SMAP1: variants seen among roughly 807,000 people sequenced by gnomAD.
SMAP1 encodes small ArfGAP 1.
In SMAP1, 24 loss-of-function variants were observed where a neutral mutation model predicts 58.5. That is an observed-to-expected ratio of 0.41 (90% confidence interval 0.30 to 0.58). The LOEUF (loss-of-function observed/expected upper bound fraction) is 0.58, where lower values mean the gene tolerates loss of function less well. Among genes scored for constraint, SMAP1 ranks in the 20% least tolerant of loss-of-function variants. SMAP1 has a pLI of 0.29. For synonymous variants in SMAP1, 216 were observed against 196.6 expected, an observed-to-expected ratio of 1.10 and a Z score of -0.82; for missense variants, 563 against 566.3, an observed-to-expected ratio of 0.99 and a Z score of 0.06.
Position 70,861,212 on chromosome 6 carries a change from C to G in SMAP1, c.*878C>G, listed in dbSNP as rs1562210366. 5.9e-6 allele frequency: 1 copy of G among 170,748 alleles called. No homozygotes were observed. The highest frequency in any genetic ancestry group is 1.3e-5 in the Non-Finnish European group (1 of 78,508). 10.6% of individuals were successfully genotyped at this position (170,748 alleles called of 1,614,324 possible). ...TTATTTCCTATGATGTATACTGCCACTAACCTTCCAAAAATTACTTAGTAT... is the reference window on the plus strand; with the variant it reads ...TTATTTCCTATGATGTATACTGCCAGTAACCTTCCAAAAATTACTTAGTAT... On this transcript the variant is annotated 3_prime_UTR_variant, in exon 11 of 11. Transcript: ENST00000370455.
At chr6:70,740,520 C>T (rs1041252071) in intron 2 of SMAP1, among the ~76,000 whole-genome samples, 9 of 149,360 alleles carry the variant, frequency 6.0e-5, no homozygotes, top group Non-Finnish European at 1.3e-4. Flanking sequence ...TGTTCTTGTT[C>T]TGTTCCCTTT....
At chr6:70,668,225 C>T in intron 1 of SMAP1, 84 bp downstream of exon 1, 5 of 1,253,328 alleles carry the variant, frequency 4.0e-6, no homozygotes, top group African/African-American at 1.6e-5. Context: ...GGGGCCCGAG[C>T]GGACGCCTCG....
At chr6:70,767,415 T>C (rs1016177885) in intron 3 of SMAP1, among the ~76,000 whole-genome samples, 14 of 152,218 alleles carry the variant, frequency 9.2e-5, no homozygotes, top group Non-Finnish European at 1.8e-4. Flanking sequence ...TATTCTCTTT[T>C]ATTTCATTGA....
At chr6:70,717,120 C>G (rs1225912659) in intron 1 of SMAP1, among the ~76,000 whole-genome samples, 2 of 152,064 alleles carry the variant, frequency 1.3e-5, no homozygotes, top group East Asian at 3.9e-4. Context: ...CCAAGTTCTG[C>G]CAGATGAATT....
intron 3 of SMAP1, among the ~76,000 whole-genome samples, chr6:70,758,223 A>T (rs1766590857): frequency 6.6e-6 from 1 of 151,930 alleles, no homozygotes; most frequent in East Asian, 1.9e-4. Context: ...CTTTGTAGGG[A>T]CATGGATGAA....
intron 6 of SMAP1, among the ~76,000 whole-genome samples, chr6:70,808,695 A>G (rs1413700796): frequency 6.6e-6 from 1 of 152,206 alleles, no homozygotes; most frequent in Non-Finnish European, 1.5e-5. Context: ...GATTCCAAAC[A>G]TCATCTAACA....
chr6:70,823,779 A>T (rs1330520988), intron 6 of SMAP1, among the ~76,000 whole-genome samples: 1 of 150,298 alleles, frequency 6.7e-6, no homozygotes, highest in African/African-American at 2.4e-5. Flanking sequence ...TTTATTTTGG[A>T]TATTTATAAT....
chr6:70,859,851 A>G (rs1218795876), intron 10 of SMAP1: 2 of 190,390 alleles, frequency 1.1e-5, no homozygotes, highest in African/African-American at 4.7e-5. Flanking sequence ...ATAATTTTAG[A>G]CTATTTTACT....
At chr6:70,684,544 A>G (rs1479189298) in intron 1 of SMAP1, among the ~76,000 whole-genome samples, 1 of 152,210 alleles carries the variant, frequency 6.6e-6, no homozygotes, top group Non-Finnish European at 1.5e-5. Flanking sequence ...TAACATTCTA[A>G]TGACCACCAA....
intron 6 of SMAP1, among the ~76,000 whole-genome samples, chr6:70,814,089 C>T (rs543162460): frequency 6.6e-6 from 1 of 152,236 alleles, no homozygotes; most frequent in East Asian, 1.9e-4. Context: ...TATAGTAAAG[C>T]ATCTTCTGGC....
intron 3 of SMAP1, among the ~76,000 whole-genome samples, chr6:70,771,813 G>C (rs1256903191): frequency 5.3e-5 from 8 of 152,132 alleles, no homozygotes; most frequent in Admixed American, 5.2e-4. Context: ...TACCTCAGAT[G>C]GAAATGCAGA....
At chr6:70,854,595 C>T (rs1050695647) in intron 8 of SMAP1, among the ~76,000 whole-genome samples, 13 of 151,842 alleles carry the variant, frequency 8.6e-5, no homozygotes, top group African/African-American at 2.9e-4. Flanking sequence ...GCACTCCAGC[C>T]TGGGGGACAA....
At chr6:70,706,907 G>T (rs1767864442) in intron 1 of SMAP1, among the ~76,000 whole-genome samples, 1 of 152,136 alleles carries the variant, frequency 6.6e-6, no homozygotes, top group African/African-American at 2.4e-5. Context: ...ATAAGCCAGT[G>T]TTTAATATAG....
At chr6:70,814,862 T>TTA (rs1769550215) in intron 6 of SMAP1, among the ~76,000 whole-genome samples, 1 of 152,194 alleles carries the variant, frequency 6.6e-6, no homozygotes, top group African/African-American at 2.4e-5. Flanking sequence ...TCAGTCACAC[T>TTA]TACCATCTTA....
intron 2 of SMAP1, among the ~76,000 whole-genome samples, chr6:70,747,640 C>A (rs1195003806): frequency 6.6e-6 from 1 of 152,070 alleles, no homozygotes; most frequent in Non-Finnish European, 1.5e-5. Context: ...AGGGGAGAGT[C>A]CAGGATGATT....
intron 8 of SMAP1, chr6:70,856,633 C>T: frequency 2.8e-6 from 1 of 353,140 alleles, no homozygotes; most frequent in Non-Finnish European, 5.0e-6. Flanking sequence ...TGTGAAAATG[C>T]TTCAGTCTAC....
intron 2 of SMAP1, among the ~76,000 whole-genome samples, chr6:70,748,836 A>G (rs950269597): frequency 7.9e-5 from 12 of 152,064 alleles, no homozygotes; most frequent in African/African-American, 2.9e-4. Context: ...AGAAGTAACC[A>G]TATTTATCAG....
intron 1 of SMAP1, among the ~76,000 whole-genome samples, chr6:70,682,853 C>G (rs1386638412): frequency 6.6e-6 from 1 of 152,064 alleles, no homozygotes; most frequent in African/African-American, 2.4e-5. Flanking sequence ...GCCTGGCCAA[C>G]GTGGCGAAAC....
At chr6:70,788,903 A>G (rs761494706) in intron 4 of SMAP1, among the ~76,000 whole-genome samples, 3 of 152,102 alleles carry the variant, frequency 2.0e-5, no homozygotes, top group Non-Finnish European at 4.4e-5. Context: ...AGATTTGGAG[A>G]GGAGCAAGAT....
Sources: allele counts gnomAD v4.1 joint callset (sites outside exome capture counted in the v4.1 genomes callset), GRCh38; gene constraint gnomAD v4.1.1; transcripts MANE v1.5; gene names NCBI Gene and HGNC (gene_info 2026-07-23, HGNC 2026-07-21).